Variants in PLXDC2 observed in about 807,000 individuals in gnomAD.
PLXDC2 encodes the protein plexin domain containing 2.
In PLXDC2, 40 loss-of-function variants were observed where a neutral mutation model predicts 68.9. The observed-to-expected ratio is 0.58, with a 90% CI of 0.45 to 0.76. The LOEUF (loss-of-function observed/expected upper bound fraction) is 0.76. Ranked by LOEUF, PLXDC2 falls within the 30% of genes least tolerant of loss-of-function variation. PLXDC2 has a pLI of 0.00. For missense variants in PLXDC2, 644 were observed against 661.9 expected (o/e 0.97, Z 0.30); for synonymous variants, 243 against 234.2 (o/e 1.04, Z -0.34).
At chr10:20,079,518 G>A (rs558519197) in intron 4 of PLXDC2, among the ~76,000 whole-genome samples, 1 of 152,270 alleles carries the variant, frequency 6.6e-6, no homozygotes, top group African/African-American at 2.4e-5. Flanking sequence ...CAATAGCAAA[G>A]ACTTGGAACC....
chr10:20,180,214 C>A (rs973437484), intron 9 of PLXDC2, among the ~76,000 whole-genome samples: 1 of 151,868 alleles, frequency 6.6e-6, no homozygotes, highest in Non-Finnish European at 1.5e-5. Context: ...AGAAATTCAT[C>A]AAAGAACGCT....
At chr10:20,020,750 T>C (rs1835294112) in intron 2 of PLXDC2, among the ~76,000 whole-genome samples, 1 of 152,200 alleles carries the variant, frequency 6.6e-6, no homozygotes, top group African/African-American at 2.4e-5. Context: ...GTTGCATATA[T>C]TATTCAATAA....
At chr10:20,271,448 T>C (rs1368500137) in intron 13 of PLXDC2, among the ~76,000 whole-genome samples, 1 of 152,212 alleles carries the variant, frequency 6.6e-6, no homozygotes, top group African/African-American at 2.4e-5. Flanking sequence ...TTTTTCCTGA[T>C]GTTTGGTGAA....
intron 1 of PLXDC2, among the ~76,000 whole-genome samples, chr10:19,826,610 A>G (rs1836575213): frequency 2.6e-5 from 4 of 152,218 alleles, no homozygotes; most frequent in Admixed American, 6.5e-5. Context: ...TTACAAAGAT[A>G]TTGCTCAGTG....
intron 1 of PLXDC2, among the ~76,000 whole-genome samples, chr10:19,838,062 G>A (rs538317816): frequency 1.3e-5 from 2 of 152,102 alleles, no homozygotes; most frequent in East Asian, 3.9e-4. Context: ...GCAGTGGTAC[G>A]ATCATGACTC....
rs1837841930 is a variant in PLXDC2 at position 19,886,143 on chromosome 10, T to G, written c.112+68952T>G. On this transcript the variant is annotated intron_variant, in intron 1 of 13. Coordinates refer to ENST00000377252, the MANE Select transcript of PLXDC2 (RefSeq NM_032812.9). ...TGTGAATGGGATTTCACTCATGATT[T>G]GGCTCTCTGTGTGTCTGTTATTGGT... 2.0e-5 allele frequency among the ~76,000 whole-genome samples: 3 copies of G among 152,236 alleles called. No individual in the cohort carries two copies. The South Asian group carries it at 6.2e-4, about 32-fold the overall frequency.
chr10:20,066,749 G>A (rs936356903), intron 3 of PLXDC2, among the ~76,000 whole-genome samples: 5 of 152,172 alleles, frequency 3.3e-5, no homozygotes, highest in Admixed American at 3.3e-4. Flanking sequence ...TAAGTAATTA[G>A]AAATCGTGAT....
chr10:20,187,726 T>A (rs143555673), intron 9 of PLXDC2, among the ~76,000 whole-genome samples: 117 of 151,996 alleles, frequency 7.7e-4, no homozygotes, highest in Non-Finnish European at 1.1e-3. Context: ...TGTAAAATAG[T>A]CATCTTTTCA....
intron 4 of PLXDC2, among the ~76,000 whole-genome samples, chr10:20,139,541 AG>A: frequency 6.6e-6 from 1 of 152,344 alleles, no homozygotes; most frequent in East Asian, 1.9e-4. Flanking sequence ...TCTACTATAA[AG>A]ACACGTGCAC....
intron 1 of PLXDC2, among the ~76,000 whole-genome samples, chr10:19,931,195 T>A (rs2131389261): frequency 6.6e-6 from 1 of 152,270 alleles, no homozygotes; most frequent in East Asian, 1.9e-4. Flanking sequence ...GCATGATCGG[T>A]TTTCCTTTGT....
intron 1 of PLXDC2, among the ~76,000 whole-genome samples, chr10:19,877,681 T>G (rs935291778): frequency 6.6e-6 from 1 of 152,236 alleles, no homozygotes; most frequent in African/African-American, 2.4e-5. Flanking sequence ...CCGAATGACC[T>G]AATGGAGCAA....
intron 1 of PLXDC2, among the ~76,000 whole-genome samples, chr10:19,836,546 A>C (rs1045364225): frequency 6.6e-6 from 1 of 152,214 alleles, no homozygotes; most frequent in African/African-American, 2.4e-5. Flanking sequence ...GAAATCACTC[A>C]AATAGAATCA....
At chr10:20,104,742 C>T (rs1833467906) in intron 4 of PLXDC2, among the ~76,000 whole-genome samples, 1 of 151,952 alleles carries the variant, frequency 6.6e-6, no homozygotes, top group Non-Finnish European at 1.5e-5. Flanking sequence ...TGCAATGTTG[C>T]CAACTCTAAC....
At chr10:19,950,662 A>T (rs1167588627) in intron 1 of PLXDC2, among the ~76,000 whole-genome samples, 1 of 152,226 alleles carries the variant, frequency 6.6e-6, no homozygotes, top group Non-Finnish European at 1.5e-5. Flanking sequence ...GCAAAAATTC[A>T]TATGGAACCA....
chr10:20,251,501 T>A (rs1311105402), intron 13 of PLXDC2, among the ~76,000 whole-genome samples: 2 of 152,144 alleles, frequency 1.3e-5, no homozygotes, highest in African/African-American at 4.8e-5. Context: ...TGTTCAACAT[T>A]GCTAGGCATA....
intron 4 of PLXDC2, among the ~76,000 whole-genome samples, chr10:20,074,650 A>C (rs1836405319): frequency 1.3e-5 from 2 of 152,140 alleles, no homozygotes; most frequent in African/African-American, 4.8e-5. Context: ...GTAATATTTT[A>C]ATTGTAGTCC....
intron 1 of PLXDC2, among the ~76,000 whole-genome samples, chr10:19,854,468 C>G (rs529169349): frequency 6.6e-6 from 1 of 152,274 alleles, no homozygotes; most frequent in Admixed American, 6.5e-5. Context: ...AGGGGTGCTA[C>G]TGGTGTCTAG....
chr10:19,876,686 C>T (rs533068740), intron 1 of PLXDC2, among the ~76,000 whole-genome samples: 1 of 150,528 alleles, frequency 6.6e-6, no homozygotes, highest in South Asian at 2.1e-4. Context: ...GACAGAATCA[C>T]TCCTGTATGT....
At chr10:20,149,229 C>T (rs144576290) in intron 6 of PLXDC2, among the ~76,000 whole-genome samples, 468 of 34,908 alleles carry the variant, frequency 0.013, no homozygotes, top group Middle Eastern at 0.042. Flanking sequence ...TTTTTCTTTT[C>T]TTTTTTTTTT....
Sources: gnomAD v4.1 joint callset for allele counts (sites outside exome capture counted in the v4.1 genomes callset) on GRCh38, gnomAD v4.1.1 for gene constraint, MANE v1.5 for transcripts, NCBI Gene and HGNC (gene_info 2026-07-23, HGNC 2026-07-21) for gene names.